DGKB: variants seen among roughly 807,000 people sequenced by gnomAD.
DGKB encodes 90 kDa diacylglycerol kinase.
DGKB carries 67 observed loss-of-function variants against 114.3 expected under a neutral mutation model. The ratio of observed to expected loss-of-function variants is 0.59; its 90% CI spans 0.48 to 0.72. The LOEUF is 0.72. DGKB is among the 30% of genes least tolerant of loss of function. The pLI, the probability that DGKB is intolerant of heterozygous loss-of-function variation, is 0.00. For missense variants in DGKB, 907 were observed against 975.2 expected (o/e 0.93, Z 0.93); for synonymous variants, 398 against 323.1 (o/e 1.23, Z -2.49).
intron 13 of DGKB, among the ~76,000 whole-genome samples, chr7:14,633,679 A>T (rs1209641567): frequency 6.6e-6 from 1 of 151,794 alleles, no homozygotes; most frequent in Non-Finnish European, 1.5e-5. Flanking sequence ...TGAGTGCATG[A>T]TTCTAAATGT....
At chr7:14,806,940 T>C (rs910092856) in intron 2 of DGKB, among the ~76,000 whole-genome samples, 3 of 151,846 alleles carry the variant, frequency 2.0e-5, no homozygotes, top group African/African-American at 7.3e-5. Flanking sequence ...CCCTGAAAAA[T>C]TAAAAACATG....
At chr7:14,825,998 T>C (rs1485198121) in intron 2 of DGKB, among the ~76,000 whole-genome samples, 1 of 152,194 alleles carries the variant, frequency 6.6e-6, no homozygotes, top group South Asian at 2.1e-4. Flanking sequence ...TGACCACTTA[T>C]GGGATTATAA....
At chr7:14,847,630 G>A (rs915678410) in intron 1 of DGKB, among the ~76,000 whole-genome samples, 23 of 152,160 alleles carry the variant, frequency 1.5e-4, no homozygotes, top group South Asian at 2.1e-4. Flanking sequence ...TGTTTAGGGG[G>A]AAAGAGCTAC....
chr7:14,582,410 A>T (rs1404447590), intron 18 of DGKB, among the ~76,000 whole-genome samples: 1 of 152,162 alleles, frequency 6.6e-6, no homozygotes, highest in Admixed American at 6.5e-5. Flanking sequence ...GAGCGTTTTC[A>T]GTTTAAATAG....
chr7:14,379,749 G>A (rs528056538), intron 21 of DGKB, among the ~76,000 whole-genome samples: 23 of 152,182 alleles, frequency 1.5e-4, no homozygotes, highest in African/African-American at 5.5e-4. Flanking sequence ...TAGTAGTGAC[G>A]GGGTTTCACC....
intron 4 of DGKB, among the ~76,000 whole-genome samples, chr7:14,753,213 G>A (rs938763846): frequency 3.3e-5 from 5 of 152,112 alleles, no homozygotes; most frequent in African/African-American, 1.2e-4. Context: ...TTGCCCAAAG[G>A]AGACAATATT....
At chr7:14,624,092 T>A (rs937750969) in intron 14 of DGKB, among the ~76,000 whole-genome samples, 1 of 152,190 alleles carries the variant, frequency 6.6e-6, no homozygotes, top group Non-Finnish European at 1.5e-5. Flanking sequence ...TCAACATTGT[T>A]TTTATATTTC....
At chr7:14,730,272 T>C (rs1830711609) in intron 5 of DGKB, among the ~76,000 whole-genome samples, 1 of 152,188 alleles carries the variant, frequency 6.6e-6, no homozygotes, top group Admixed American at 6.5e-5. Context: ...ACTAAATGGT[T>C]GGAGTTGGCA....
chr7:14,272,604 T>C (rs1352481440), intron 23 of DGKB, among the ~76,000 whole-genome samples: 1 of 152,154 alleles, frequency 6.6e-6, no homozygotes, highest in Admixed American at 6.5e-5. Flanking sequence ...AGCACCTCCT[T>C]AACTGTATCT....
At chr7:14,865,052 C>T (rs1214945503) in intron 1 of DGKB, among the ~76,000 whole-genome samples, 2 of 150,702 alleles carry the variant, frequency 1.3e-5, no homozygotes, top group Admixed American at 6.7e-5. Flanking sequence ...GAGGAAAAGG[C>T]AATTCCAGAG....
At chr7:14,501,522 C>T (rs890213254) in intron 20 of DGKB, among the ~76,000 whole-genome samples, 1 of 151,842 alleles carries the variant, frequency 6.6e-6, no homozygotes, top group South Asian at 2.1e-4. Context: ...GGTGGAGAAA[C>T]TTGCTTAATG....
intron 20 of DGKB, among the ~76,000 whole-genome samples, chr7:14,490,572 T>C (rs1408470898): frequency 2.0e-5 from 3 of 152,178 alleles, no homozygotes; most frequent in Admixed American, 6.6e-5. Flanking sequence ...AATGTGGATT[T>C]AATTCCTGAA....
At position 14,505,671 on chromosome 7, in the gene DGKB, T is replaced by G. The variant is rs62443481; in HGVS notation, c.1771-27446A>C. Among the ~76,000 whole-genome samples, 803 of 152,250 alleles carry G rather than the reference T, an allele frequency of 5.3e-3. 5 individuals carry two copies. Among genetic ancestry groups the G allele is most frequent in the Middle Eastern group, 0.017 (5 of 294 alleles). On this transcript the variant is annotated intron_variant, in intron 20 of 25. Transcript: ENST00000402815. ...TCTGCCTTAGACTATGATGACACCTTTAGGCTCTTTGTGAACTAGAAAAAT... is the reference window on the plus strand; with the variant it reads ...TCTGCCTTAGACTATGATGACACCTGTAGGCTCTTTGTGAACTAGAAAAAT...
intron 1 of DGKB, among the ~76,000 whole-genome samples, chr7:14,973,453 A>G (rs1787598136): frequency 6.6e-6 from 1 of 151,604 alleles, no homozygotes; most frequent in Non-Finnish European, 1.5e-5. Context: ...TTGAAAATTA[A>G]GTTAATCATA....
At chr7:14,326,915 A>C (rs1808842771) in intron 23 of DGKB, among the ~76,000 whole-genome samples, 1 of 152,102 alleles carries the variant, frequency 6.6e-6, no homozygotes, top group Middle Eastern at 3.2e-3. Context: ...ACACACATGC[A>C]CACACACATA....
intron 3 of DGKB, among the ~76,000 whole-genome samples, chr7:14,755,196 A>G (rs950464995): frequency 3.5e-4 from 54 of 152,250 alleles, no homozygotes; most frequent in African/African-American, 1.2e-3. Context: ...GATCTTTAAA[A>G]GATGGGAATT....
At chr7:14,701,918 C>T (rs555131391) in intron 6 of DGKB, among the ~76,000 whole-genome samples, 188 bp from the exon 7 acceptor site, 11 of 152,206 alleles carry the variant, frequency 7.2e-5, no homozygotes, top group African/African-American at 2.6e-4. Context: ...AATAGAAATA[C>T]TGGATAGCAT....
intron 2 of DGKB, among the ~76,000 whole-genome samples, chr7:14,799,360 C>G (rs536823819): frequency 6.6e-6 from 1 of 152,318 alleles, no homozygotes; most frequent in African/African-American, 2.4e-5. Flanking sequence ...TCTTGATCAC[C>G]TTTCCCTTCT....
Position 14,673,400 on chromosome 7 carries a change from C to CTTT in DGKB, c.1036-376_1036-374dup, listed in dbSNP as rs374138480. 4.0e-4 allele frequency among the ~76,000 whole-genome samples: 52 copies of CTTT among 131,090 alleles called. 1 individual carries two copies. Among genetic ancestry groups the CTTT allele is most frequent in the African/African-American group, 8.1e-4 (29 of 36,014 alleles). 86.0% of individuals were successfully genotyped at this position (131,090 alleles called of 152,430 possible). ...CTTGAAACCACTGTGCCTGTGTATG[C>CTTT]TTTTTTTTTTTTTTTTTGACCCTCC... On this transcript the variant is annotated intron_variant, in intron 12 of 25. Transcript: ENST00000402815.
Sources: allele counts gnomAD v4.1 joint callset (sites outside exome capture counted in the v4.1 genomes callset), GRCh38; gene constraint gnomAD v4.1.1; transcripts MANE v1.5; gene names NCBI Gene and HGNC (gene_info 2026-07-23, HGNC 2026-07-21).